SUFU: variants seen among roughly 807,000 people sequenced by gnomAD.
The protein encoded by SUFU is SUFU negative regulator of hedgehog signaling.
SUFU carries 7 observed loss-of-function variants against 58.9 expected under a neutral mutation model. The ratio of observed to expected loss-of-function variants is 0.12; its 90% CI spans 0.07 to 0.22. The LOEUF (loss-of-function observed/expected upper bound fraction) is 0.22. SUFU is among the 10% of genes least tolerant of loss of function. The probability of loss-of-function intolerance (pLI) is 1.00; values close to 1 mark genes in which losing one functional copy is unlikely to be tolerated. For missense variants in SUFU, 451 were observed against 641.3 expected (o/e 0.70, Z 3.20); for synonymous variants, 232 against 254.8 (o/e 0.91, Z 0.85).
At chr10:102,604,220 G>C (rs917262314) in intron 8 of SUFU, among the ~76,000 whole-genome samples, 2 of 152,220 alleles carry the variant, frequency 1.3e-5, no homozygotes, top group Non-Finnish European at 2.9e-5. Flanking sequence ...GGGCTGATGA[G>C]AGGAACAGCC....
rs767376210 is a variant in SUFU at position 102,627,175 on chromosome 10, A to G, written c.1297A>G (p.Ile433Val). Reference protein sequence around the residue: ...PYAAHGPWLQILLTEEFVEKM... With the variant: ...PYAAHGPWLQVLLTEEFVEKM... ...AAAAGCCTGCCTTGTGCCTTCACAG[A>G]TTCTGTTGACCGAAGAGTTTGTAGA... The change falls in exon 11 of 12, where the codon ATT (isoleucine) becomes GTT (valine). Residue 433 changes from isoleucine (I) to valine (V), a missense_variant and splice_region_variant. Coordinates refer to ENST00000369902, the MANE Select transcript of SUFU (RefSeq NM_016169.4). The G allele has an allele frequency of 3.1e-6, 5 of 1,614,226 alleles. No homozygotes were observed. The Admixed American group carries it at 6.7e-5, about 22-fold the overall frequency.
chr10:102,550,387 A>G (rs1353833734), intron 3 of SUFU, among the ~76,000 whole-genome samples: 1 of 152,006 alleles, frequency 6.6e-6, no homozygotes, highest in Non-Finnish European at 1.5e-5. Context: ...GGTTTCTTTC[A>G]TGTCATCTGA....
chr10:102,622,071 G>A (rs1169620100), intron 10 of SUFU, among the ~76,000 whole-genome samples: 1 of 152,188 alleles, frequency 6.6e-6, no homozygotes, highest in Non-Finnish European at 1.5e-5. Context: ...AAGGCAGCTG[G>A]TGTGAGCCCA....
chr10:102,575,117 G>A (rs7094614), intron 3 of SUFU, among the ~76,000 whole-genome samples: 8 of 151,926 alleles, frequency 5.3e-5, no homozygotes, highest in Non-Finnish European at 1.5e-5. Context: ...GGGAAGCTGA[G>A]GTGGAAGGAT....
intron 7 of SUFU, among the ~76,000 whole-genome samples, chr10:102,598,810 C>G (rs900473477): frequency 5.9e-5 from 9 of 152,190 alleles, no homozygotes; most frequent in Non-Finnish European, 1.2e-4. Context: ...GACTAGTAAG[C>G]TTCATCCCAA....
chr10:102,509,048 GT>G lies in SUFU; in HGVS notation c.183-119del. On this transcript the variant is annotated intron_variant, in intron 1 of 11. Transcript: ENST00000369902. Reference sequence around the variant, plus strand: ...TCTGGAGAGATGTGGCCTCTGTTTAGTTACCTTTCACCCAGGTTCCTCCAGG... The same window carrying G: ...TCTGGAGAGATGTGGCCTCTGTTTAGTACCTTTCACCCAGGTTCCTCCAGG... 4 of 1,394,680 alleles carry G rather than the reference GT, an allele frequency of 2.9e-6. No homozygotes were observed. In the South Asian group the frequency reaches 4.7e-5, roughly 16 times the overall value. The allele number at this position is 1,394,680 out of a possible 1,614,324, so 86.4% of individuals were successfully genotyped here.
Position 102,599,466 on chromosome 10 carries a change from G to T in SUFU, c.944G>T (p.Gly315Val). The T allele has an allele frequency of 6.2e-7, 1 of 1,614,100 alleles. No homozygotes were observed. Among genetic ancestry groups the T allele is most frequent in the Non-Finnish European group, 8.5e-7 (1 of 1,180,012 alleles). Residue 315 changes from glycine to valine, a missense_variant, in exon 8 of 12, where the codon GGA becomes GTA. Gly to Val is a moderately radical substitution (Grantham distance 109). Coordinates refer to ENST00000369902, the MANE Select transcript of SUFU (RefSeq NM_016169.4). ...TEQIRETLRR[G>V]LEINSKPVLP... ...CAGATCCGGGAGACCCTGAGGAGAG[G>T]ACTCGAGATCAACAGCAAACCTGTC...
chr10:102,529,068 C>T (rs1251728947), intron 2 of SUFU, among the ~76,000 whole-genome samples: 1 of 148,068 alleles, frequency 6.8e-6, no homozygotes, highest in Non-Finnish European at 1.5e-5. Context: ...AAAAGCTTAG[C>T]TATATCAGAA....
chr10:102,556,765 A>AAGGAAGGGAGGG (rs2062984349), intron 3 of SUFU, among the ~76,000 whole-genome samples: 2 of 145,338 alleles, frequency 1.4e-5, no homozygotes, highest in Admixed American at 1.4e-4. Context: ...GGGAGGGAGG[A>AAGGAAGGGAGGG]AGGAAGGGAA....
chr10:102,555,282 A>C (rs986689482), intron 3 of SUFU, among the ~76,000 whole-genome samples: 4 of 151,642 alleles, frequency 2.6e-5, no homozygotes, highest in South Asian at 2.1e-4. Flanking sequence ...AAAAAAAAAA[A>C]AAAAAAAACT....
Position 102,627,452 on chromosome 10 carries a change from C to G in SUFU, c.1365+209C>G, listed in dbSNP as rs529049992. On this transcript the variant is annotated intron_variant, in intron 11 of 11. Coordinates refer to ENST00000369902, the MANE Select transcript of SUFU (RefSeq NM_016169.4). ...TGTAGATTTCTCTTCTGTTTCTATGCACCCTCACCATCCCCTGCCCTACCC... is the reference window on the plus strand; with the variant it reads ...TGTAGATTTCTCTTCTGTTTCTATGGACCCTCACCATCCCCTGCCCTACCC... Among the ~76,000 whole-genome samples the G allele has an allele frequency of 3.9e-5, 6 of 152,336 alleles. 1 individual carries two copies. In the East Asian group the frequency reaches 1.2e-3, roughly 29 times the overall value.
chr10:102,597,398 A>G (rs911001310), intron 7 of SUFU, 105 bp downstream of exon 7: 3 of 1,396,350 alleles, frequency 2.1e-6, no homozygotes, highest in Non-Finnish European at 2.9e-6. Flanking sequence ...CAACCCATTC[A>G]ATAGTTTATT....
At position 102,582,922 on chromosome 10, in the gene SUFU, C is replaced by T. The variant is rs1422188173; in HGVS notation, c.455-9660C>T. Among the ~76,000 whole-genome samples, 38 of 152,128 alleles carry T rather than the reference C, an allele frequency of 2.5e-4. 1 individual carries two copies. Among genetic ancestry groups the T allele is most frequent in the Admixed American group, 2.5e-3 (38 of 15,272 alleles). The stretch of plus-strand genomic sequence containing the variant: ...TAAGTGGAGGTCTCTGGGATTTTCA[C>T]CCTGACTTTTCAATGAGGATACCTT... On this transcript the variant is annotated intron_variant, in intron 3 of 11. Coordinates refer to ENST00000369902, the MANE Select transcript of SUFU (RefSeq NM_016169.4).
intron 3 of SUFU, among the ~76,000 whole-genome samples, chr10:102,580,027 G>GCCCCCCCCCCCCCCCC (rs1378925159): frequency 7.2e-5 from 3 of 41,954 alleles, no homozygotes; most frequent in Admixed American, 2.7e-4. Context: ...CTCCTCCCCC[G>GCCCCCCCCCCCCCCCC]CACCCCCCCC....
At chr10:102,548,521 T>C (rs986151229) in intron 2 of SUFU, among the ~76,000 whole-genome samples, 2 of 152,250 alleles carry the variant, frequency 1.3e-5, no homozygotes, top group Non-Finnish European at 2.9e-5. Context: ...CTTGGTTGGC[T>C]GTCATCTTAG....
chr10:102,524,324 CTTTTCTTT>C (rs2062584916), intron 2 of SUFU, among the ~76,000 whole-genome samples: 5 of 119,884 alleles, frequency 4.2e-5, no homozygotes, highest in East Asian at 4.7e-4. Flanking sequence ...TTTTTCTTTT[CTTTTCTTT>C]TTTTTTTTTT....
At chr10:102,521,084 C>A (rs188628737) in intron 2 of SUFU, among the ~76,000 whole-genome samples, 4 of 152,168 alleles carry the variant, frequency 2.6e-5, no homozygotes, top group Non-Finnish European at 5.9e-5. Context: ...TTTTCATTCC[C>A]ACTAGCAATG....
intron 2 of SUFU, among the ~76,000 whole-genome samples, chr10:102,511,264 A>G (rs572053086): frequency 6.6e-6 from 1 of 152,274 alleles, no homozygotes; most frequent in African/African-American, 2.4e-5. Context: ...AATTAAAAAT[A>G]AAATAAATAG....
chr10:102,513,558 T>C (rs1170090895), intron 2 of SUFU, among the ~76,000 whole-genome samples: 1 of 152,210 alleles, frequency 6.6e-6, no homozygotes, highest in Non-Finnish European at 1.5e-5. Context: ...GGTTATAATA[T>C]TGAGTAATAA....
Sources: allele counts gnomAD v4.1 joint callset (sites outside exome capture counted in the v4.1 genomes callset), GRCh38; gene constraint gnomAD v4.1.1; transcripts MANE v1.5; gene names NCBI Gene and HGNC (gene_info 2026-07-23, HGNC 2026-07-21).